The following SPATA13 variants were observed in gnomAD, a reference collection of about 807,000 sequenced individuals.
SPATA13 encodes the protein spermatogenesis associated 13, also known as spermatogenesis-associated protein 13.
In SPATA13, 50 loss-of-function variants were observed where a neutral mutation model predicts 104.0. The observed-to-expected ratio is 0.48, with a 90% confidence interval of 0.38 to 0.61. The LOEUF (loss-of-function observed/expected upper bound fraction) is 0.61, where lower values mean the gene tolerates loss of function less well. SPATA13 is among the 20% of genes least tolerant of loss of function. The probability of loss-of-function intolerance (pLI) is 0.00; values close to 1 mark genes in which losing one functional copy is unlikely to be tolerated. For missense variants in SPATA13, 1,524 were observed against 1,690.6 expected, an observed-to-expected ratio of 0.90 and a Z score of 1.73; for synonymous variants, 606 against 667.5, an observed-to-expected ratio of 0.91 and a Z score of 1.42.
intron 3 of SPATA13, among the ~76,000 whole-genome samples, chr13:24,044,581 G>A (rs2137733280): frequency 6.6e-6 from 1 of 152,264 alleles, no homozygotes; most frequent in Non-Finnish European, 1.5e-5. Context: ...AGGGTACAGT[G>A]TGATGTTTCA....
intron 3 of SPATA13, among the ~76,000 whole-genome samples, chr13:24,032,174 A>G (rs1431205833): frequency 6.6e-6 from 1 of 152,168 alleles, no homozygotes; most frequent in Admixed American, 6.5e-5. Context: ...AGGCTGGTTC[A>G]GCTACAACCC....
intron 3 of SPATA13, chr13:24,034,963 C>T (rs1230212438): frequency 6.6e-6 from 1 of 152,204 alleles, no homozygotes; most frequent in Non-Finnish European, 1.5e-5. Flanking sequence ...GGAGAGAGTT[C>T]AAAGCAACTG....
chr13:23,997,171 G>C (rs1875733928), intron 2 of SPATA13, among the ~76,000 whole-genome samples: 1 of 152,184 alleles, frequency 6.6e-6, no homozygotes, highest in South Asian at 2.1e-4. Context: ...AAAATACTGT[G>C]AGCAGAAATG....
intron 3 of SPATA13, among the ~76,000 whole-genome samples, chr13:24,094,165 A>G (rs903320357): frequency 3.3e-5 from 5 of 152,210 alleles, no homozygotes; most frequent in South Asian, 2.1e-4. Flanking sequence ...CATTATTTCA[A>G]CATGTCCCAA....
At chr13:24,098,245 A>G (rs1880143901) in intron 3 of SPATA13, among the ~76,000 whole-genome samples, 1 of 152,184 alleles carries the variant, frequency 6.6e-6, no homozygotes, top group African/African-American at 2.4e-5. Flanking sequence ...AACAGAAATA[A>G]AATAAAAAGT....
chr13:24,173,603 T>C lies in SPATA13; in HGVS notation c.-112+12671T>C, dbSNP rs114835487. 6.9e-3 allele frequency among the ~76,000 whole-genome samples: 1,043 copies of C among 152,054 alleles called. 16 individuals carry two copies. Among genetic ancestry groups the C allele is most frequent in the African/African-American group, 0.024 (987 of 41,428 alleles). On this transcript the variant is annotated intron_variant, in intron 1 of 12. Transcript: ENST00000382108. ...TAGCTTTAGGGTTTTCTATAGATGT[T>C]CATTATCAAGTTGAGGATATTCCCT...
At chr13:24,061,315 C>A (rs9580853) in intron 3 of SPATA13, among the ~76,000 whole-genome samples, 7,815 of 152,150 alleles carry the variant, frequency 0.051, 646 homozygotes, top group African/African-American at 0.17. Flanking sequence ...TGTAGCAATT[C>A]TTCAAAGAGC....
intron 1 of SPATA13, among the ~76,000 whole-genome samples, chr13:24,186,855 C>T (rs994500336): frequency 8.5e-5 from 13 of 152,128 alleles, no homozygotes; most frequent in Non-Finnish European, 1.9e-4. Context: ...TTGGCTTTTG[C>T]ATATTCTCAT....
At chr13:24,040,121 C>A (rs922930866) in intron 3 of SPATA13, among the ~76,000 whole-genome samples, 2 of 152,216 alleles carry the variant, frequency 1.3e-5, no homozygotes, top group African/African-American at 4.8e-5. Context: ...CAGCAGAAAT[C>A]CCCCAAACAC....
chr13:24,104,383 A>G lies in SPATA13; in HGVS notation c.-112+86682A>G, dbSNP rs192503341. On this transcript the variant is annotated intron_variant, in intron 3 of 14. Transcript: ENST00000424834. ...GCAATTTAGCCCACTCAATTTTTAG[A>G]GAGGTTTGGTTTTACAATTCTCAAG... 2.1e-3 allele frequency among the ~76,000 whole-genome samples: 310 copies of G among 149,772 alleles called. 4 individuals are homozygous for G. Among genetic ancestry groups the G allele is most frequent in the African/African-American group, 7.7e-3 (303 of 39,222 alleles).
intron 3 of SPATA13, among the ~76,000 whole-genome samples, chr13:24,108,101 T>A (rs1880511846): frequency 6.6e-6 from 1 of 152,180 alleles, no homozygotes. Context: ...TGCTGTGCCC[T>A]CTGGAGGGGT....
intron 3 of SPATA13, among the ~76,000 whole-genome samples, chr13:24,118,814 T>G (rs1482161289): frequency 6.6e-6 from 1 of 152,216 alleles, no homozygotes; most frequent in African/African-American, 2.4e-5. Flanking sequence ...AAGAACTAAC[T>G]GTTATTTGGC....
intron 3 of SPATA13, among the ~76,000 whole-genome samples, chr13:24,107,654 A>G (rs553270197): frequency 8.5e-5 from 13 of 152,340 alleles, no homozygotes; most frequent in African/African-American, 3.1e-4. Flanking sequence ...GCCCAATGAC[A>G]GCGCCTACGT....
intron 1 of SPATA13, among the ~76,000 whole-genome samples, chr13:24,203,176 T>A (rs914558871): frequency 1.9e-4 from 28 of 148,454 alleles, no homozygotes; most frequent in Middle Eastern, 3.4e-3. Flanking sequence ...TTCCCCTCCA[T>A]GTGAAATGAT....
intron 1 of SPATA13, among the ~76,000 whole-genome samples, chr13:24,166,816 T>A (rs1882752206): frequency 6.6e-6 from 1 of 152,208 alleles, no homozygotes; most frequent in African/African-American, 2.4e-5. Flanking sequence ...ATGGTAATCC[T>A]CTTTTATGAG....
chr13:24,162,766 G>C (rs959361033), intron 1 of SPATA13, among the ~76,000 whole-genome samples: 4 of 152,184 alleles, frequency 2.6e-5, no homozygotes, highest in Admixed American at 6.5e-5. Flanking sequence ...GAAAAGGAAG[G>C]CTCAGAGGAG....
intron 3 of SPATA13, among the ~76,000 whole-genome samples, chr13:24,092,786 A>G (rs1277409753): frequency 6.6e-6 from 1 of 152,232 alleles, no homozygotes; most frequent in African/African-American, 2.4e-5. Context: ...ATTTCTTAGC[A>G]GTCATATTTG....
intron 1 of SPATA13, among the ~76,000 whole-genome samples, chr13:24,174,898 T>A (rs185603746): frequency 1.3e-5 from 2 of 152,222 alleles, no homozygotes; most frequent in African/African-American, 2.4e-5. Flanking sequence ...CCCTTTAGAG[T>A]TCCCCCTTGA....
In SPATA13 at chr13:24,066,683, C is replaced by A. The variant is rs78498154; in HGVS notation, c.-112+48982C>A. 2.8e-3 allele frequency among the ~76,000 whole-genome samples: 430 copies of A among 152,244 alleles called. 14 individuals carry two copies. In the East Asian group the frequency reaches 0.061, roughly 22 times the overall value. On this transcript the variant is annotated intron_variant, in intron 3 of 14. Coordinates refer to the SPATA13 transcript ENST00000424834. ...CCAGGAGGGGTCTGTTTTCACCCCT[C>A]AGGCCCCCCACCTTCATTCCCCTCC...
Sources: gnomAD v4.1 joint callset for allele counts (sites outside exome capture counted in the v4.1 genomes callset) on GRCh38, gnomAD v4.1.1 for gene constraint, MANE v1.5 for transcripts, NCBI Gene and HGNC (gene_info 2026-07-23, HGNC 2026-07-21) for gene names.